Variants in RASGRF2 observed in about 807,000 individuals in gnomAD.
The protein encoded by RASGRF2 is ras-specific guanine nucleotide-releasing factor 2.
In RASGRF2, 76 loss-of-function variants were observed where a neutral mutation model predicts 151.0. The ratio of observed to expected loss-of-function variants is 0.50; its 90% CI spans 0.42 to 0.61. The LOEUF is 0.61. Among genes scored for constraint, RASGRF2 ranks in the 20% least tolerant of loss-of-function variants. The pLI, the probability that RASGRF2 is intolerant of heterozygous loss-of-function variation, is 0.00. For missense variants in RASGRF2, 1,148 were observed against 1,564.6 expected, an observed-to-expected ratio of 0.73 and a Z score of 4.49; for synonymous variants, 504 against 566.5, an observed-to-expected ratio of 0.89 and a Z score of 1.57.
chr5:81,001,872 A>G (rs905231972), intron 1 of RASGRF2, among the ~76,000 whole-genome samples: 3 of 152,230 alleles, frequency 2.0e-5, no homozygotes, highest in African/African-American at 7.2e-5. Flanking sequence ...TATGTTAAAT[A>G]GAAGGGAATT....
chr5:81,051,564 A>G (rs1751012530), intron 2 of RASGRF2, among the ~76,000 whole-genome samples: 1 of 152,202 alleles, frequency 6.6e-6, no homozygotes, highest in East Asian at 1.9e-4. Context: ...GACATTTCAT[A>G]TAGATGGAAT....
chr5:81,070,374 A>G, intron 3 of RASGRF2, 118 bp from the exon 4 acceptor site: 1 of 771,442 alleles, frequency 1.3e-6, no homozygotes, highest in Non-Finnish European at 2.3e-6. Context: ...GAGTGTGCAT[A>G]AAAAGTGGGT....
intron 1 of RASGRF2, among the ~76,000 whole-genome samples, chr5:81,020,644 T>C (rs1446911143): frequency 2.0e-5 from 3 of 152,192 alleles, no homozygotes; most frequent in Non-Finnish European, 2.9e-5. Context: ...AGAGAGGGAC[T>C]CCTTTTTGCC....
At chr5:81,048,765 C>G (rs1435648726) in intron 2 of RASGRF2, among the ~76,000 whole-genome samples, 1 of 152,174 alleles carries the variant, frequency 6.6e-6, no homozygotes, top group Admixed American at 6.5e-5. Flanking sequence ...ATTTCTTGCT[C>G]CATTACTTAT....
intron 17 of RASGRF2, among the ~76,000 whole-genome samples, chr5:81,178,401 T>C (rs78526549): frequency 0.01 from 1,560 of 152,336 alleles, 39 homozygotes; most frequent in African/African-American, 0.034. Flanking sequence ...TGGTTATTTA[T>C]TTATTTATTT....
intron 2 of RASGRF2, among the ~76,000 whole-genome samples, chr5:81,050,547 C>T (rs778527811): frequency 3.3e-5 from 5 of 152,094 alleles, no homozygotes; most frequent in Non-Finnish European, 4.4e-5. Context: ...GCGAACTCCT[C>T]GTGCCACCCC....
chr5:80,969,604 A>G lies in RASGRF2; in HGVS notation c.288+8578A>G, dbSNP rs1226479673. Among the ~76,000 whole-genome samples the G allele has an allele frequency of 4.7e-5, 7 of 148,056 alleles. No homozygotes were observed. The South Asian group carries it at 6.4e-4, about 14-fold the overall frequency. On this transcript the variant is annotated intron_variant, in intron 1 of 26. Transcript: ENST00000265080. ...GCTGGGACTACAGGCACCCGCCACC[A>G]CGCCCGGCTAATTTTTTTTTGTATT...
At chr5:81,129,373 C>T (rs1471223166) in intron 17 of RASGRF2, among the ~76,000 whole-genome samples, 2 of 150,582 alleles carry the variant, frequency 1.3e-5, no homozygotes, top group African/African-American at 2.4e-5. Flanking sequence ...TTTTTTTTTT[C>T]CAAATTGAGG....
chr5:81,015,946 T>C (rs1749621157), intron 1 of RASGRF2, among the ~76,000 whole-genome samples: 1 of 152,230 alleles, frequency 6.6e-6, no homozygotes, highest in Non-Finnish European at 1.5e-5. Flanking sequence ...ATTTGATAAG[T>C]GTAACTGATG....
At chr5:81,062,007 A>AC (rs1353646399) in intron 2 of RASGRF2, among the ~76,000 whole-genome samples, 7 of 143,366 alleles carry the variant, frequency 4.9e-5, no homozygotes, top group East Asian at 2.0e-4. Flanking sequence ...CAAAAAAAAA[A>AC]AAAAAAAAAA....
intron 26 of RASGRF2, among the ~76,000 whole-genome samples, chr5:81,220,412 C>T (rs572882380): frequency 6.6e-6 from 1 of 152,200 alleles, no homozygotes; most frequent in Non-Finnish European, 1.5e-5. Context: ...ATATACCTCA[C>T]AGCCAATGTC....
chr5:80,971,294 C>A (rs565099422), intron 1 of RASGRF2, among the ~76,000 whole-genome samples: 1 of 152,312 alleles, frequency 6.6e-6, no homozygotes, highest in East Asian at 1.9e-4. Flanking sequence ...ATGCTTTTGC[C>A]AGTTTTTGAA....
chr5:81,113,376 C>T, intron 14 of RASGRF2, 162 bp from the exon 15 acceptor site: 2 of 806,938 alleles, frequency 2.5e-6, no homozygotes, highest in Non-Finnish European at 1.9e-6. Flanking sequence ...GCTTCTTTGG[C>T]AGGTGGAGGG....
rs138761313 is a variant in RASGRF2, at chr5:80,983,903, A to G, written c.288+22877A>G. 1.7e-4 allele frequency among the ~76,000 whole-genome samples: 26 copies of G among 152,298 alleles called. 1 individual carries two copies. The East Asian group carries it at 4.0e-3, about 24-fold the overall frequency. On this transcript the variant is annotated intron_variant, in intron 1 of 26. Transcript: ENST00000265080. ...CTCTTTACTTCTTTTTCATGTGGCC[A>G]CTAGCAAATTCAAAATTACGTGCAT...
At chr5:81,136,127 C>T (rs987774412) in intron 17 of RASGRF2, among the ~76,000 whole-genome samples, 2 of 152,296 alleles carry the variant, frequency 1.3e-5, no homozygotes, top group Non-Finnish European at 1.5e-5. Context: ...ATTCTGCCTG[C>T]CTCAGCCTCC....
chr5:81,081,499 G>A (rs897572027), intron 7 of RASGRF2, among the ~76,000 whole-genome samples: 3 of 152,224 alleles, frequency 2.0e-5, no homozygotes, highest in African/African-American at 7.2e-5. Context: ...AGGCCAAAAT[G>A]TGCATTGAAT....
chr5:81,085,148 A>G (rs184220280), intron 7 of RASGRF2, among the ~76,000 whole-genome samples: 17 of 152,336 alleles, frequency 1.1e-4, no homozygotes, highest in African/African-American at 3.6e-4. Context: ...TAAGCCCACA[A>G]TAAATAAGTT....
At chr5:81,104,501 A>T (rs1752790656) in intron 12 of RASGRF2, among the ~76,000 whole-genome samples, 2 of 152,096 alleles carry the variant, frequency 1.3e-5, no homozygotes, top group Non-Finnish European at 1.5e-5. Flanking sequence ...CGTTTTTGTG[A>T]TAATTTTCAG....
intron 17 of RASGRF2, among the ~76,000 whole-genome samples, chr5:81,169,888 ACCACCTGTATCACCCATACCACCTGCG>A (rs1754607470): frequency 2.8e-5 from 4 of 142,400 alleles, no homozygotes; most frequent in African/African-American, 1.1e-4. Context: ...CATCACCTGC[ACCACCTGTATCACCCATACCACCTGCG>A]TCACCTGCAT....
Sources: allele counts gnomAD v4.1 joint callset (sites outside exome capture counted in the v4.1 genomes callset), GRCh38; gene constraint gnomAD v4.1.1; transcripts MANE v1.5; gene names NCBI Gene and HGNC (gene_info 2026-07-23, HGNC 2026-07-21).